CNTNAP2: variants seen among roughly 807,000 people sequenced by gnomAD.
CNTNAP2 encodes contactin associated protein 2.
CNTNAP2 carries 98 observed loss-of-function variants against 155.2 expected under a neutral mutation model. The observed-to-expected ratio is 0.63, with a 90% CI of 0.54 to 0.75. CNTNAP2 has a LOEUF of 0.75. Among genes scored for constraint, CNTNAP2 ranks in the 30% least tolerant of loss-of-function variants. The pLI, the probability that CNTNAP2 is intolerant of heterozygous loss-of-function variation, is 0.00. For missense variants in CNTNAP2, 1,727 were observed against 1,688.1 expected, an observed-to-expected ratio of 1.02 and a Z score of -0.40; for synonymous variants, 651 against 631.2, an observed-to-expected ratio of 1.03 and a Z score of -0.47.
rs575203096 is a variant in CNTNAP2, at chr7:148,378,677, G to A, written c.3476-4972G>A. 3.0e-5 allele frequency among the ~76,000 whole-genome samples: 2 copies of A among 66,756 alleles called. 1 individual carries two copies. The highest frequency in any genetic ancestry group is 8.7e-4 in the East Asian group (2 of 2,312). 43.8% of individuals were successfully genotyped at this position (66,756 alleles called of 152,430 possible). ...CCAGTACCGCTTGCTGTCACGATAC[G>A]GTGGTGCTAAAAATACGTAATATAA... On this transcript the variant is annotated intron_variant, in intron 21 of 23. Coordinates refer to ENST00000361727, the MANE Select transcript of CNTNAP2 (RefSeq NM_014141.6).
intron 5 of CNTNAP2, among the ~76,000 whole-genome samples, chr7:147,111,922 T>A (rs1418546053): frequency 6.6e-6 from 1 of 152,212 alleles, no homozygotes; most frequent in Non-Finnish European, 1.5e-5. Flanking sequence ...GGTAGTTTAA[T>A]GGGAATAGTA....
In CNTNAP2 at chr7:147,911,775, T is replaced by C. The variant is rs961267981; in HGVS notation, c.2255+8054T>C. 3.3e-5 allele frequency among the ~76,000 whole-genome samples: 5 copies of C among 152,242 alleles called. No homozygotes were observed. The South Asian group carries it at 1.0e-3, about 31-fold the overall frequency. ...TAAGTTTTGCCTATTTTGTAGCATG[T>C]ATCAGGATTTTCCCCCTTTTTAAGA... On this transcript the variant is annotated intron_variant, in intron 14 of 23. Coordinates refer to ENST00000361727, the MANE Select transcript of CNTNAP2 (RefSeq NM_014141.6).
intron 1 of CNTNAP2, among the ~76,000 whole-genome samples, chr7:146,493,144 C>A (rs1170659083): frequency 6.6e-6 from 1 of 152,134 alleles, no homozygotes; most frequent in African/African-American, 2.4e-5. Flanking sequence ...CAGTATTGAA[C>A]ATGACATTTT....
At chr7:147,305,962 A>G (rs796568615) in intron 9 of CNTNAP2, among the ~76,000 whole-genome samples, 14 of 152,206 alleles carry the variant, frequency 9.2e-5, no homozygotes, top group African/African-American at 2.6e-4. Context: ...CCATCTTCAC[A>G]TAGTCTCCTC....
At chr7:148,148,172 A>G (rs1487834465) in intron 17 of CNTNAP2, among the ~76,000 whole-genome samples, 1 of 152,168 alleles carries the variant, frequency 6.6e-6, no homozygotes, top group Non-Finnish European at 1.5e-5. Context: ...TTTCTTGCCT[A>G]TTCTCAAGGT....
At chr7:147,046,586 C>T (rs1267251078) in intron 4 of CNTNAP2, among the ~76,000 whole-genome samples, 1 of 151,916 alleles carries the variant, frequency 6.6e-6, no homozygotes, top group African/African-American at 2.4e-5. Flanking sequence ...TGGGTATAGA[C>T]TTGGGGGGGT....
At chr7:147,273,630 GTTAT>G (rs1804815501) in intron 8 of CNTNAP2, among the ~76,000 whole-genome samples, 1 of 151,484 alleles carries the variant, frequency 6.6e-6, no homozygotes, top group Non-Finnish European at 1.5e-5. Context: ...CTATTTCTGA[GTTAT>G]TTGTCTTAGG....
chr7:147,364,339 C>T (rs1796191711), intron 9 of CNTNAP2, among the ~76,000 whole-genome samples: 1 of 152,062 alleles, frequency 6.6e-6, no homozygotes, highest in African/African-American at 2.4e-5. Context: ...ATATGTGTAA[C>T]TTTAAGTATT....
At chr7:146,320,402 G>T (rs1198735584) in intron 1 of CNTNAP2, among the ~76,000 whole-genome samples, 1 of 151,986 alleles carries the variant, frequency 6.6e-6, no homozygotes, top group Non-Finnish European at 1.5e-5. Flanking sequence ...TTCCCTTCAG[G>T]AACAAGTTAC....
intron 17 of CNTNAP2, among the ~76,000 whole-genome samples, chr7:148,164,245 G>T (rs775530440): frequency 1.3e-5 from 2 of 152,142 alleles, no homozygotes; most frequent in African/African-American, 4.8e-5. Flanking sequence ...GCCCACCACA[G>T]GTTTTTTTTT....
At chr7:147,713,630 G>A (rs191074645) in intron 13 of CNTNAP2, among the ~76,000 whole-genome samples, 129 of 152,212 alleles carry the variant, frequency 8.5e-4, no homozygotes, top group East Asian at 2.5e-3. Flanking sequence ...TTGAACATAC[G>A]TTTTCATTTC....
At chr7:148,394,585 C>A (rs945172691) in intron 22 of CNTNAP2, among the ~76,000 whole-genome samples, 1 of 152,118 alleles carries the variant, frequency 6.6e-6, no homozygotes, top group Non-Finnish European at 1.5e-5. Flanking sequence ...TGTATAAGTT[C>A]ATTACCTGGT....
chr7:147,819,934 T>C (rs977659747), intron 13 of CNTNAP2, among the ~76,000 whole-genome samples: 2 of 152,224 alleles, frequency 1.3e-5, no homozygotes. Context: ...GGGATGTTTC[T>C]AGCTTTGAAA....
chr7:147,975,098 G>A (rs141159340), intron 14 of CNTNAP2, among the ~76,000 whole-genome samples: 5,528 of 150,024 alleles, frequency 0.037, 313 homozygotes, highest in African/African-American at 0.13. Context: ...TTTGTATTAC[G>A]TATAATACAA....
intron 2 of CNTNAP2, among the ~76,000 whole-genome samples, chr7:146,793,081 A>C (rs1272873126): frequency 6.6e-6 from 1 of 152,184 alleles, no homozygotes; most frequent in Non-Finnish European, 1.5e-5. Context: ...TCAATATAAA[A>C]ATTATCAATT....
intron 10 of CNTNAP2, among the ~76,000 whole-genome samples, chr7:147,469,308 T>C (rs527686005): frequency 1.2e-4 from 19 of 152,262 alleles, no homozygotes; most frequent in African/African-American, 4.3e-4. Context: ...GGAAGTATTC[T>C]GCTTTACTAA....
At chr7:148,122,494 C>T (rs562225091) in intron 16 of CNTNAP2, among the ~76,000 whole-genome samples, 6 of 152,166 alleles carry the variant, frequency 3.9e-5, no homozygotes, top group Non-Finnish European at 7.4e-5. Context: ...ACGAAGGTGT[C>T]GGAGACTGAA....
chr7:147,457,854 C>A (rs923979397), intron 10 of CNTNAP2, among the ~76,000 whole-genome samples: 24 of 151,506 alleles, frequency 1.6e-4, no homozygotes, highest in African/African-American at 5.3e-4. Context: ...AAAAAAAAAT[C>A]TGATCTTTCT....
At chr7:146,530,022 C>A (rs1321157291) in intron 1 of CNTNAP2, among the ~76,000 whole-genome samples, 4 of 151,638 alleles carry the variant, frequency 2.6e-5, no homozygotes, top group African/African-American at 9.7e-5. Context: ...CATTTCTCTG[C>A]AAAAGGGGAA....
Sources: gnomAD v4.1 joint callset for allele counts (sites outside exome capture counted in the v4.1 genomes callset) on GRCh38, gnomAD v4.1.1 for gene constraint, MANE v1.5 for transcripts, NCBI Gene and HGNC (gene_info 2026-07-23, HGNC 2026-07-21) for gene names.